Variants in PARD3B observed in about 807,000 individuals in gnomAD.
The protein encoded by PARD3B is par-3 family cell polarity regulator beta.
Under a neutral mutation model 130.2 loss-of-function variants are expected in PARD3B, and 103 were observed. The ratio of observed to expected loss-of-function variants is 0.79; its 90% CI spans 0.67 to 0.93. The LOEUF is 0.93. PARD3B is among the 40% of genes least tolerant of loss of function. The probability of loss-of-function intolerance (pLI) is 0.00; values close to 1 mark genes in which losing one functional copy is unlikely to be tolerated. For missense variants in PARD3B, 1,609 were observed against 1,499.2 expected (o/e 1.07, Z -1.21); for synonymous variants, 583 against 553.2 (o/e 1.05, Z -0.76).
chr2:204,902,819 C>A lies in PARD3B; in HGVS notation c.223-62333C>A, dbSNP rs138972639. 7.5e-3 allele frequency among the ~76,000 whole-genome samples: 1,139 copies of A among 152,014 alleles called. 17 individuals are homozygous for A. The highest frequency in any genetic ancestry group is 0.025 in the African/African-American group (1,040 of 41,446). ...TTCATCCCTTCCTAGTATATTTGGA[C>A]AAAATGAAGTTATCTTGCCAGCAAT... On this transcript the variant is annotated intron_variant, in intron 2 of 22. Transcript: ENST00000406610.
At chr2:204,856,064 T>C (rs754665987) in intron 2 of PARD3B, among the ~76,000 whole-genome samples, 1 of 152,162 alleles carries the variant, frequency 6.6e-6, no homozygotes, top group Non-Finnish European at 1.5e-5. Context: ...TGGAAATATA[T>C]CCAGAAGTGG....
chr2:205,500,727 G>A (rs573409585), intron 21 of PARD3B, among the ~76,000 whole-genome samples: 2 of 152,290 alleles, frequency 1.3e-5, no homozygotes, highest in South Asian at 4.1e-4. Context: ...TGCATGAAAT[G>A]TGCATGCACA....
At chr2:204,711,197 A>G (rs1330192307) in intron 2 of PARD3B, among the ~76,000 whole-genome samples, 2 of 152,312 alleles carry the variant, frequency 1.3e-5, no homozygotes, top group East Asian at 1.9e-4. Flanking sequence ...CTTGTTTTAT[A>G]GTATTGAGAC....
At chr2:205,551,197 G>C (rs1346769593) in intron 21 of PARD3B, among the ~76,000 whole-genome samples, 1 of 151,686 alleles carries the variant, frequency 6.6e-6, no homozygotes, top group African/African-American at 2.4e-5. Context: ...CATAAGCATA[G>C]TGATTTTCCA....
intron 16 of PARD3B, among the ~76,000 whole-genome samples, chr2:205,264,539 T>A (rs2040432368): frequency 6.6e-6 from 1 of 151,202 alleles, no homozygotes; most frequent in East Asian, 1.9e-4. Flanking sequence ...AAAAATGAGA[T>A]CTTTGTTCAA....
intron 3 of PARD3B, among the ~76,000 whole-genome samples, chr2:205,013,858 A>G (rs1695917646): frequency 1.3e-5 from 2 of 152,160 alleles, no homozygotes; most frequent in South Asian, 2.1e-4. Context: ...CTCAGTGGCA[A>G]TTCCACAGCC....
At chr2:204,787,777 CTT>C (rs766309776) in intron 2 of PARD3B, among the ~76,000 whole-genome samples, 5 of 152,226 alleles carry the variant, frequency 3.3e-5, no homozygotes, top group Non-Finnish European at 7.3e-5. Context: ...AAGCTGGACT[CTT>C]AACACCAACT....
At chr2:204,812,167 T>G (rs755553996) in intron 2 of PARD3B, among the ~76,000 whole-genome samples, 4 of 152,206 alleles carry the variant, frequency 2.6e-5, no homozygotes, top group Admixed American at 6.5e-5. Context: ...CTAAAATTAT[T>G]TTGAGATTTA....
chr2:205,608,485 A>G (rs1466693212), intron 22 of PARD3B, among the ~76,000 whole-genome samples: 1 of 152,194 alleles, frequency 6.6e-6, no homozygotes, highest in East Asian at 1.9e-4. Flanking sequence ...ATATGCAGGT[A>G]TCGTTCAAAT....
At chr2:205,118,559 C>G (rs1017142478) in intron 6 of PARD3B, among the ~76,000 whole-genome samples, 1 of 152,216 alleles carries the variant, frequency 6.6e-6, no homozygotes, top group Non-Finnish European at 1.5e-5. Context: ...CTAAACATCA[C>G]GTTGCCACGT....
At chr2:204,547,159 T>C (rs2030032080) in intron 1 of PARD3B, among the ~76,000 whole-genome samples, 1 of 152,214 alleles carries the variant, frequency 6.6e-6, no homozygotes, top group South Asian at 2.1e-4. Flanking sequence ...TTAATTTCTT[T>C]TAACTTCTTA....
At chr2:204,670,159 G>A (rs1414497873) in intron 1 of PARD3B, among the ~76,000 whole-genome samples, 1 of 152,240 alleles carries the variant, frequency 6.6e-6, no homozygotes, top group East Asian at 1.9e-4. Context: ...TAAAATCAAA[G>A]TAATGCTTAC....
At chr2:205,092,833 T>A (rs4675494) in intron 4 of PARD3B, among the ~76,000 whole-genome samples, 1 of 151,956 alleles carries the variant, frequency 6.6e-6, no homozygotes, top group Non-Finnish European at 1.5e-5. Flanking sequence ...TAACTCAAGC[T>A]TCCAGCGATT....
chr2:204,751,666 G>C (rs1008203075), intron 2 of PARD3B, among the ~76,000 whole-genome samples: 2 of 152,202 alleles, frequency 1.3e-5, no homozygotes, highest in Non-Finnish European at 2.9e-5. Context: ...AAAACTTGCT[G>C]AGTAGGTATT....
intron 1 of PARD3B, among the ~76,000 whole-genome samples, chr2:204,643,098 A>C (rs2035142219): frequency 8.2e-6 from 1 of 121,686 alleles, no homozygotes; most frequent in South Asian, 2.8e-4. Context: ...TGGGCGACAG[A>C]GGGAGACTCT....
chr2:204,932,565 A>C (rs1009752470), intron 2 of PARD3B, among the ~76,000 whole-genome samples: 2 of 152,158 alleles, frequency 1.3e-5, no homozygotes, highest in Admixed American at 6.5e-5. Context: ...TGTTGATTCA[A>C]AATGCAAAAA....
chr2:204,841,558 C>A (rs2044260177), intron 2 of PARD3B, among the ~76,000 whole-genome samples: 1 of 152,074 alleles, frequency 6.6e-6, no homozygotes, highest in South Asian at 2.1e-4. Context: ...CTTTAATATA[C>A]TGCTGTTTAA....
intron 3 of PARD3B, among the ~76,000 whole-genome samples, chr2:205,044,965 G>T (rs961514231): frequency 6.6e-6 from 1 of 151,964 alleles, no homozygotes; most frequent in Non-Finnish European, 1.5e-5. Flanking sequence ...TTTCAATGTG[G>T]AATGATTTGC....
In PARD3B at chr2:205,253,310, C is replaced by T. The variant is rs1574510443; in HGVS notation, c.2185+7488C>T. On this transcript the variant is annotated intron_variant, in intron 16 of 22. Coordinates refer to ENST00000406610, the MANE Select transcript of PARD3B (RefSeq NM_001302769.2). This position sits in a 1 kb window ranked among gnomAD's most constrained non-coding sequence, Gnocchi z 4.4. Reference sequence around the variant, plus strand: ...TGTATTAACACAAAGGCTCTGGCCGCCCCCCTACAAAGGAGGCCATGGAAC... The same window carrying T: ...TGTATTAACACAAAGGCTCTGGCCGTCCCCCTACAAAGGAGGCCATGGAAC... 1 of 514,924 alleles carries T rather than the reference C, an allele frequency of 1.9e-6. No individual in the cohort carries two copies. The highest frequency in any genetic ancestry group is 1.5e-5 in the South Asian group (1 of 67,628). The allele number at this position is 514,924 out of a possible 1,614,324, so 31.9% of individuals were successfully genotyped here.
Sources: allele counts gnomAD v4.1 joint callset (sites outside exome capture counted in the v4.1 genomes callset), GRCh38; gene constraint gnomAD v4.1.1; non-coding constraint Gnocchi (gnomAD v3.1); transcripts MANE v1.5; gene names NCBI Gene and HGNC (gene_info 2026-07-23, HGNC 2026-07-21).